The following PRRC2B variants were observed in gnomAD, a reference collection of about 807,000 sequenced individuals.
PRRC2B encodes the protein proline rich coiled-coil 2B.
In PRRC2B, 68 loss-of-function variants were observed where a neutral mutation model predicts 242.3. That is an observed-to-expected ratio of 0.28 (90% CI 0.23 to 0.34). The LOEUF is 0.34. PRRC2B is among the 10% of genes least tolerant of loss of function. The probability of loss-of-function intolerance (pLI) is 1.00; values close to 1 mark genes in which losing one functional copy is unlikely to be tolerated. For missense variants in PRRC2B, 2,835 were observed against 2,954.8 expected, an observed-to-expected ratio of 0.96 and a Z score of 0.94; for synonymous variants, 1,228 against 1,173.6, an observed-to-expected ratio of 1.05 and a Z score of -0.95.
At chr9:131,404,805 C>A (rs73551652) in intron 1 of PRRC2B, among the ~76,000 whole-genome samples, 117 of 152,348 alleles carry the variant, frequency 7.7e-4, no homozygotes, top group African/African-American at 2.7e-3. Flanking sequence ...TAACCTCTGT[C>A]TCCTACTGGT....
At chr9:131,476,737 C>T (rs902425835) in intron 16 of PRRC2B, among the ~76,000 whole-genome samples, 1 of 150,658 alleles carries the variant, frequency 6.6e-6, no homozygotes, top group African/African-American at 2.4e-5. Context: ...CTCCCACCCC[C>T]ACCCCCACCC....
chr9:131,490,000 T>C (rs1278539637), intron 28 of PRRC2B, among the ~76,000 whole-genome samples: 1 of 152,044 alleles, frequency 6.6e-6, no homozygotes, highest in African/African-American at 2.4e-5. Flanking sequence ...CTGCTTTGGG[T>C]GTGTTTCAAG....
intron 1 of PRRC2B, among the ~76,000 whole-genome samples, chr9:131,379,689 G>A (rs1179787440): frequency 1.3e-4 from 19 of 146,386 alleles, no homozygotes; most frequent in African/African-American, 5.0e-5. Flanking sequence ...GCAATGGTGC[G>A]ATCACAGCTC....
At position 131,394,238 on chromosome 9, in the gene PRRC2B, C is replaced by G. The variant is rs1836975257; in HGVS notation, c.-77C>G. On this transcript the variant is annotated 5_prime_UTR_variant, in exon 1 of 32. Coordinates refer to ENST00000683519, the MANE Select transcript of PRRC2B (RefSeq NM_013318.4). ...GCCGCCCGACTGCCATCGCCCGGCC[C>G]GGCCGCGCCCGCGGAACCAGACCAG... 6.8e-6 allele frequency: 1 copy of G among 147,796 alleles called. No individual in the cohort carries two copies. 9.2% of individuals were successfully genotyped at this position (147,796 alleles called of 1,614,324 possible).
intron 13 of PRRC2B, among the ~76,000 whole-genome samples, chr9:131,468,854 C>T (rs1943464687): frequency 1.3e-5 from 2 of 152,138 alleles, no homozygotes; most frequent in African/African-American, 4.8e-5. Context: ...GGGAGCCTTC[C>T]AGGGACCGCC....
chr9:131,459,384 T>C, intron 11 of PRRC2B, 28 bp downstream of exon 11: 1 of 1,580,826 alleles, frequency 6.3e-7, no homozygotes, highest in Non-Finnish European at 8.6e-7. Flanking sequence ...CTGTCCTGTG[T>C]ATTTGTACTT....
intron 2 of PRRC2B, among the ~76,000 whole-genome samples, chr9:131,431,962 T>G (rs1326383488): frequency 1.3e-5 from 2 of 152,010 alleles, no homozygotes; most frequent in East Asian, 3.8e-4. Context: ...ACTGGCTAAT[T>G]TTTGTATTTT....
chr9:131,417,972 G>A (rs1481109471), intron 1 of PRRC2B, among the ~76,000 whole-genome samples: 2 of 152,240 alleles, frequency 1.3e-5, no homozygotes, highest in Non-Finnish European at 2.9e-5. Context: ...CCAGAGGTAA[G>A]GCTGGTTTTG....
intron 9 of PRRC2B, among the ~76,000 whole-genome samples, chr9:131,448,553 A>AAAAAAAAACAAAAC (rs1564287295): frequency 8.0e-6 from 1 of 125,340 alleles, no homozygotes; most frequent in Non-Finnish European, 1.7e-5. Context: ...CAAAAAAAAA[A>AAAAAAAAACAAAAC]AAAAAAAAAA....
At chr9:131,433,264 A>G (rs917373223) in intron 3 of PRRC2B, among the ~76,000 whole-genome samples, 1 of 152,178 alleles carries the variant, frequency 6.6e-6, no homozygotes, top group Non-Finnish European at 1.5e-5. Context: ...TCCCAGACAG[A>G]GGAGACTTCT....
intron 22 of PRRC2B, among the ~76,000 whole-genome samples, 178 bp downstream of exon 22, chr9:131,483,085 T>C (rs1309836212): frequency 1.3e-5 from 2 of 151,936 alleles, no homozygotes; most frequent in Non-Finnish European, 2.9e-5. Flanking sequence ...CTCTGTTGAG[T>C]TGCTTTAAAG....
rs746604354 is a variant in PRRC2B at position 131,471,002 on chromosome 9, C to T, written c.2107+19C>T. 3.0e-5 allele frequency: 47 copies of T among 1,572,754 alleles called. No individual in the cohort carries two copies. The highest frequency in any genetic ancestry group is 1.7e-4 in the Middle Eastern group (1 of 5,912). ...CCCTCAGGTAAGCACTGTGGTCTGA[C>T]GGTCCATACCTGTATCACCCAGGAT... On this transcript the variant is annotated intron_variant, in intron 14 of 31. Transcript: ENST00000683519.
In PRRC2B at chr9:131,479,526, T is replaced by C. The variant is rs1014220863; in HGVS notation, c.4900+133T>C. The C allele has an allele frequency of 1.1e-5, 10 of 874,830 alleles. No homozygotes were observed. The Admixed American group carries it at 2.5e-4, about 22-fold the overall frequency. The allele number at this position is 874,830 out of a possible 1,614,324, so 54.2% of individuals were successfully genotyped here. ...CAGATGGAGTACCTGTTTGCTGTGT[T>C]CCGCTGCTGAGCTAGTCGCTGAATG... On this transcript the variant is annotated intron_variant, in intron 19 of 31. Coordinates refer to ENST00000683519, the MANE Select transcript of PRRC2B (RefSeq NM_013318.4).
At chr9:131,432,847 C>T (rs1023224756) in intron 3 of PRRC2B, 53 bp downstream of exon 3, 14 of 1,582,022 alleles carry the variant, frequency 8.8e-6, no homozygotes, top group East Asian at 4.5e-5. Flanking sequence ...AGGGTGGTCC[C>T]GGCATCCTTC....
upstream of PRRC2B, among the ~76,000 whole-genome samples, chr9:131,391,639 G>A (rs564563923): frequency 4.1e-4 from 63 of 152,238 alleles, no homozygotes; most frequent in African/African-American, 1.4e-3. Context: ...TGTTTTATGG[G>A]TATGTCGTGA....
chr9:131,495,022 A>G (rs1944292974), intron 31 of PRRC2B, among the ~76,000 whole-genome samples: 1 of 152,148 alleles, frequency 6.6e-6, no homozygotes, highest in African/African-American at 2.4e-5. Context: ...TGGGTTTTTA[A>G]TCAGTCACTG....
upstream of PRRC2B, among the ~76,000 whole-genome samples, chr9:131,393,654 G>A (rs528940679): frequency 5.3e-5 from 8 of 152,358 alleles, no homozygotes; most frequent in South Asian, 2.1e-4. Context: ...TGAAGGGGGA[G>A]GGGGCGGAGA....
chr9:131,442,692 C>T (rs1838638225), intron 5 of PRRC2B, among the ~76,000 whole-genome samples: 1 of 152,158 alleles, frequency 6.6e-6, no homozygotes. Context: ...TTGGGTTTAG[C>T]TGTATAGGGA....
intron 13 of PRRC2B, among the ~76,000 whole-genome samples, chr9:131,469,123 C>T (rs1943472545): frequency 6.6e-6 from 1 of 152,084 alleles, no homozygotes; most frequent in Non-Finnish European, 1.5e-5. Flanking sequence ...CACCTGAGGT[C>T]AGGAGTTTGA....
Sources: allele counts gnomAD v4.1 joint callset (sites outside exome capture counted in the v4.1 genomes callset), GRCh38; gene constraint gnomAD v4.1.1; transcripts MANE v1.5; gene names NCBI Gene and HGNC (gene_info 2026-07-23, HGNC 2026-07-21).